AMZ2: variants seen among roughly 807,000 people sequenced by gnomAD.
AMZ2 encodes archaelysin family metallopeptidase 2.
AMZ2 carries 26 observed loss-of-function variants against 36.7 expected under a neutral mutation model. The observed-to-expected ratio is 0.71, with a 90% CI of 0.52 to 0.98. The LOEUF is 0.98. Among genes scored for constraint, AMZ2 ranks in the 50% least tolerant of loss-of-function variants. The pLI is 0.00. For missense variants in AMZ2, 394 were observed against 430.5 expected (o/e 0.92, Z 0.75); for synonymous variants, 144 against 149.1 (o/e 0.97, Z 0.25).
intron 1 of AMZ2, among the ~76,000 whole-genome samples, chr17:68,237,463 C>T (rs182120413): frequency 1.0e-3 from 154 of 152,340 alleles, no homozygotes; most frequent in Non-Finnish European, 1.7e-3. Flanking sequence ...TCTCTGACGA[C>T]GCTCTCTTTT....
At chr17:68,210,369 T>G (rs782110257) in intron 1 of AMZ2, among the ~76,000 whole-genome samples, 1 of 152,186 alleles carries the variant, frequency 6.6e-6, no homozygotes, top group Non-Finnish European at 1.5e-5. Context: ...GGAAGGAAAT[T>G]CCGACATGTT....
intron 1 of AMZ2, chr17:68,249,393 C>T (rs2074269154): frequency 1.3e-5 from 2 of 157,712 alleles, no homozygotes; most frequent in African/African-American, 4.9e-5. Context: ...GCAGCCTCGA[C>T]CTCCTGGGCT....
At chr17:68,227,698 C>T (rs1378469141) in intron 1 of AMZ2, among the ~76,000 whole-genome samples, 4 of 152,196 alleles carry the variant, frequency 2.6e-5, no homozygotes, top group African/African-American at 9.7e-5. Flanking sequence ...CTCTGTCTCC[C>T]TCTTACAGAG....
Position 68,248,123 on chromosome 17 carries a change from C to A in AMZ2, c.-583C>A, listed in dbSNP as rs2074136865. The A allele has an allele frequency of 2.0e-6, 2 of 986,362 alleles. No homozygotes were observed. The highest frequency in any genetic ancestry group is 6.1e-5 in the Admixed American group (1 of 16,270). The allele number at this position is 986,362 out of a possible 1,614,324, so 61.1% of individuals were successfully genotyped here. ...CGAGGCCTGTCGGGTCAGGGCGGTT[C>A]GCGGGTGCTGTCAGAGCTGGGCCGG... On this transcript the variant is annotated 5_prime_UTR_variant, in exon 1 of 7. The change creates a premature stop within an existing upstream ORF in the 5' untranslated region. Transcript: ENST00000359904.
intron 1 of AMZ2, among the ~76,000 whole-genome samples, chr17:68,221,569 T>A (rs1443593293): frequency 6.6e-6 from 1 of 151,644 alleles, no homozygotes; most frequent in East Asian, 1.9e-4. Context: ...CTACTAAAAA[T>A]ACAAAAAATT....
At chr17:68,206,482 CT>C (rs782203062) in intron 1 of AMZ2, 16 of 179,298 alleles carry the variant, frequency 8.9e-5, no homozygotes, top group Middle Eastern at 2.5e-3. Flanking sequence ...CGCTCTCTCT[CT>C]CCCCCCCAAC....
chr17:68,227,319 C>G (rs2073541242), intron 1 of AMZ2, among the ~76,000 whole-genome samples: 1 of 152,196 alleles, frequency 6.6e-6, no homozygotes, highest in Non-Finnish European at 1.5e-5. Context: ...TAAGAGGCAA[C>G]ACATGCAAAG....
intron 1 of AMZ2, among the ~76,000 whole-genome samples, chr17:68,228,449 C>A (rs1185127521): frequency 5.9e-5 from 9 of 152,072 alleles, no homozygotes; most frequent in Admixed American, 5.2e-4. Context: ...ACCCTGACTG[C>A]CCATCGGCAA....
At chr17:68,246,204 A>C (rs2074004317), upstream of AMZ2, among the ~76,000 whole-genome samples, 1 of 148,088 alleles carries the variant, frequency 6.8e-6, no homozygotes, top group East Asian at 1.9e-4. Context: ...ACAAAAAAAA[A>C]AAAAAAAAAA....
rs2074197295 is a variant in AMZ2 at position 68,248,593 on chromosome 17, G to T, written c.-113G>T. On this transcript the variant is annotated 5_prime_UTR_variant, in exon 1 of 7. Coordinates refer to ENST00000359904, the MANE Select transcript of AMZ2 (RefSeq NM_016627.5). ...AGGAGGCCTCCTGACCTTTCACACT[G>T]CCTTTTTAATATTAAGATGAAGTCA... is the stretch of plus-strand genomic sequence containing the variant. The T allele has an allele frequency of 6.1e-6, 6 of 985,840 alleles. No individual in the cohort carries two copies. The South Asian group carries it at 1.9e-4, about 31-fold the overall frequency. 61.1% of individuals were successfully genotyped at this position (985,840 alleles called of 1,614,324 possible).
chr17:68,241,878 C>T (rs1555734051), intron 1 of AMZ2, among the ~76,000 whole-genome samples: 2 of 150,946 alleles, frequency 1.3e-5, no homozygotes, highest in East Asian at 1.9e-4. Flanking sequence ...TGTGCACCAC[C>T]ACACCTGGCT....
intron 1 of AMZ2, among the ~76,000 whole-genome samples, chr17:68,209,062 C>T (rs1401956321): frequency 1.3e-5 from 2 of 152,068 alleles, no homozygotes; most frequent in African/African-American, 4.8e-5. Flanking sequence ...TTTGTTTTGC[C>T]GGATGGTCAG....
At chr17:68,210,965 G>A (rs1257613072) in intron 1 of AMZ2, among the ~76,000 whole-genome samples, 1 of 144,134 alleles carries the variant, frequency 6.9e-6, no homozygotes, top group Non-Finnish European at 1.5e-5. Flanking sequence ...AAAGGGGGGG[G>A]GGGAGGTGGT....
chr17:68,230,656 A>C (rs1555731026), intron 1 of AMZ2, among the ~76,000 whole-genome samples: 2 of 152,224 alleles, frequency 1.3e-5, no homozygotes, highest in African/African-American at 4.8e-5. Context: ...GCTCACACCT[A>C]GGAGTTGCTT....
chr17:68,231,370 G>C (rs1441241051), intron 1 of AMZ2, among the ~76,000 whole-genome samples: 2 of 151,402 alleles, frequency 1.3e-5, no homozygotes, highest in Admixed American at 1.3e-4. Context: ...TGTGCCCAGG[G>C]GCTTGTGTTT....
chr17:68,245,645 AAC>A (rs1409034885), upstream of AMZ2, among the ~76,000 whole-genome samples: 1 of 152,212 alleles, frequency 6.6e-6, no homozygotes, highest in East Asian at 1.9e-4. Flanking sequence ...TAGAAATTTA[AAC>A]AGTTTAAACG....
chr17:68,218,169 A>G (rs782109296), intron 1 of AMZ2, among the ~76,000 whole-genome samples: 1 of 152,248 alleles, frequency 6.6e-6, no homozygotes, highest in African/African-American at 2.4e-5. Context: ...AGACATATTC[A>G]GCATATAACT....
chr17:68,217,784 G>A (rs1430506194), intron 1 of AMZ2, among the ~76,000 whole-genome samples: 1 of 151,052 alleles, frequency 6.6e-6, no homozygotes, highest in Non-Finnish European at 1.5e-5. Flanking sequence ...TATTTGTATA[G>A]GTTAGTGAAG....
In AMZ2 at chr17:68,239,423, G is replaced by A. The variant is rs191705790; in HGVS notation, c.-66-9217G>A. Among the ~76,000 whole-genome samples the A allele has an allele frequency of 1.7e-4, 26 of 152,228 alleles. 1 individual carries two copies. The highest frequency in any genetic ancestry group is 6.3e-4 in the African/African-American group (26 of 41,532). On this transcript the variant is annotated intron_variant, in intron 1 of 7. Coordinates refer to the AMZ2 transcript ENST00000674770. ...CAGTTGATATCAGCTAAGGGCCAGG[G>A]GAAAAGCAAAAGGAGCAGATATGAA...
Sources: allele counts gnomAD v4.1 joint callset (sites outside exome capture counted in the v4.1 genomes callset), GRCh38; gene constraint gnomAD v4.1.1; transcripts MANE v1.5; gene names NCBI Gene and HGNC (gene_info 2026-07-23, HGNC 2026-07-21).